Variants in MPDZ observed in about 807,000 individuals in gnomAD.
MPDZ encodes multiple PDZ domain protein.
In MPDZ, 234 loss-of-function variants were observed where a neutral mutation model predicts 239.1. That is an observed-to-expected ratio of 0.98 (90% CI 0.88 to 1.09). The LOEUF is 1.09. MPDZ is among the 50% of genes least tolerant of loss of function. MPDZ has a pLI of 0.00. For synonymous variants in MPDZ, 1,048 were observed against 881.3 expected (o/e 1.19, Z -3.35); for missense variants, 3,175 against 2,510.0 (o/e 1.26, Z -5.66).
intron 22 of MPDZ, among the ~76,000 whole-genome samples, chr9:13,164,398 A>C (rs2133739042): frequency 6.6e-6 from 1 of 152,312 alleles, no homozygotes; most frequent in South Asian, 2.1e-4. Context: ...TGAAAAAATA[A>C]AATAAAGATA....
chr9:13,194,542 G>C (rs546715745), intron 13 of MPDZ, among the ~76,000 whole-genome samples: 1 of 151,980 alleles, frequency 6.6e-6, no homozygotes, highest in Non-Finnish European at 1.5e-5. Context: ...ACTAGGGCCT[G>C]TAGGGTGGTG....
At chr9:13,251,943 C>T (rs997606502) in intron 1 of MPDZ, among the ~76,000 whole-genome samples, 3 of 152,128 alleles carry the variant, frequency 2.0e-5, no homozygotes, top group African/African-American at 7.2e-5. Flanking sequence ...GAGCAAGGGA[C>T]CTATCATCTC....
intron 12 of MPDZ, among the ~76,000 whole-genome samples, chr9:13,196,564 G>C (rs1955674929): frequency 6.6e-6 from 1 of 152,040 alleles, no homozygotes; most frequent in Admixed American, 6.6e-5. Flanking sequence ...ACAGTAAAAA[G>C]GGATGTCGTC....
At chr9:13,162,854 G>A (rs1254392352) in intron 22 of MPDZ, 59 bp from the exon 23 acceptor site, 1 of 1,164,334 alleles carries the variant, frequency 8.6e-7, no homozygotes, top group East Asian at 2.4e-5. Flanking sequence ...TAATTGTTAG[G>A]AAAAGCTTCT....
At position 13,184,697 on chromosome 9, in the gene MPDZ, T is replaced by C. The variant is rs55676259; in HGVS notation, c.2482-1112A>G. Reference sequence around the variant, plus strand: ...CTAAGCCTTGTGTCATAGATTACAATACATATTTAAGTAACATTAATGAAA... The same window carrying C: ...CTAAGCCTTGTGTCATAGATTACAACACATATTTAAGTAACATTAATGAAA... On this transcript the variant is annotated intron_variant, in intron 18 of 46. Transcript: ENST00000319217. Among the ~76,000 whole-genome samples, 1,337 of 152,090 alleles carry C rather than the reference T, an allele frequency of 8.8e-3. 9 individuals are homozygous for C. Among genetic ancestry groups the C allele is most frequent in the Middle Eastern group, 0.014 (4 of 294 alleles).
intron 22 of MPDZ, among the ~76,000 whole-genome samples, chr9:13,166,788 A>G (rs1951137925): frequency 6.6e-6 from 1 of 152,126 alleles, no homozygotes; most frequent in Non-Finnish European, 1.5e-5. Context: ...GGAAACGGAA[A>G]TACACAACAA....
chr9:13,147,508 CTGTT>C, intron 26 of MPDZ, 36 bp downstream of exon 26: 1 of 1,467,382 alleles, frequency 6.8e-7, no homozygotes, highest in Non-Finnish European at 9.5e-7. Flanking sequence ...AAGTTGAACA[CTGTT>C]TGGATATGCC....
intron 14 of MPDZ, among the ~76,000 whole-genome samples, chr9:13,192,671 A>G (rs1955098092): frequency 6.6e-6 from 1 of 152,140 alleles, no homozygotes; most frequent in Non-Finnish European, 1.5e-5. Context: ...AATGACATAT[A>G]TTGTATGCTA....
At chr9:13,122,054 T>C (rs527604448) in intron 37 of MPDZ, 33 bp downstream of exon 37, 7 of 1,611,316 alleles carry the variant, frequency 4.3e-6, no homozygotes, top group Non-Finnish European at 5.9e-6. Context: ...TTTTCTCTGT[T>C]AATTTTGAAG....
chr9:13,232,883 C>A (rs1251697680), intron 3 of MPDZ, among the ~76,000 whole-genome samples: 61 of 139,086 alleles, frequency 4.4e-4, no homozygotes, highest in African/African-American at 1.2e-3. Context: ...AAAAAAAAAA[C>A]CAGGAACTTC....
At chr9:13,228,508 A>C (rs1426137351) in intron 3 of MPDZ, among the ~76,000 whole-genome samples, 1 of 152,100 alleles carries the variant, frequency 6.6e-6, no homozygotes, top group East Asian at 1.9e-4. Flanking sequence ...ACAAAGAAAA[A>C]ATATGTACCT....
chr9:13,195,284 T>C (rs1281933423), intron 13 of MPDZ, among the ~76,000 whole-genome samples: 1 of 152,032 alleles, frequency 6.6e-6, no homozygotes, highest in African/African-American at 2.4e-5. Context: ...CGAGACCTTG[T>C]CTCAAAAAAA....
chr9:13,170,025 A>C (rs1277593055), intron 21 of MPDZ, among the ~76,000 whole-genome samples: 2 of 152,192 alleles, frequency 1.3e-5, no homozygotes, highest in African/African-American at 4.8e-5. Context: ...ATAAAATCTT[A>C]TAAATTATAT....
chr9:13,200,865 T>C lies in MPDZ; in HGVS notation c.1546+4171A>G, dbSNP rs146480103. ...AGCCTGGAGTATGTTCCATATGTTG[T>C]TGAAAAAAATGTGTATTCTGCAGCT... On this transcript the variant is annotated intron_variant, in intron 12 of 46. Coordinates refer to ENST00000319217, the MANE Select transcript of MPDZ (RefSeq NM_001378778.1). 2.5e-3 allele frequency among the ~76,000 whole-genome samples: 374 copies of C among 152,150 alleles called. 2 individuals carry two copies. Among genetic ancestry groups the C allele is most frequent in the Non-Finnish European group, 4.6e-3 (316 of 67,958 alleles).
rs1455478289 is a variant in MPDZ, at chr9:13,183,544, A to G, written c.2523T>C (p.Phe841=). The part of the protein sequence containing the change: ...NDADLVDEST[F]ESPYSPENDS... ...CATTTTCAGGAGAGTATGGAGACTC[A>G]AATGTGGATTCATCTACTAAGTCAG... The change falls in exon 19 of 47, where the codon TTT becomes TTC. Residue 841 remains phenylalanine (F), a synonymous_variant. Coordinates refer to ENST00000319217, the MANE Select transcript of MPDZ (RefSeq NM_001378778.1). The G allele has an allele frequency of 1.9e-6, 3 of 1,612,510 alleles. No individual in the cohort carries two copies. The highest frequency in any genetic ancestry group is 1.1e-5 in the South Asian group (1 of 91,038).
intron 44 of MPDZ, 27 bp from the exon 45 acceptor site, chr9:13,110,091 A>G (rs752076335): frequency 6.5e-7 from 1 of 1,546,164 alleles, no homozygotes; most frequent in South Asian, 1.2e-5. Flanking sequence ...GATAAACAGA[A>G]AAAACACATG....
chr9:13,225,079 C>T lies in MPDZ; in HGVS notation c.184-496G>A, dbSNP rs117804245. 4.2e-3 allele frequency among the ~76,000 whole-genome samples: 644 copies of T among 151,956 alleles called. 1 individual carries two copies. The highest frequency in any genetic ancestry group is 7.8e-3 in the Non-Finnish European group (527 of 67,934). On this transcript the variant is annotated intron_variant, in intron 3 of 46. Transcript: ENST00000319217. ...CAATCACACCTATGAAATAACACGC[C>T]AATAAAAAATGCTGAACACCAAGAT...
At chr9:13,136,320 GTTTTCTT>G (rs1946747015) in intron 30 of MPDZ, 138 bp from the exon 31 acceptor site, 13 of 194,644 alleles carry the variant, frequency 6.7e-5, no homozygotes, top group Non-Finnish European at 6.6e-5. Flanking sequence ...ATTTACAAAC[GTTTTCTT>G]TTTTTTTTTT....
intron 22 of MPDZ, among the ~76,000 whole-genome samples, chr9:13,167,131 AATAC>A (rs1171876854): frequency 6.6e-6 from 1 of 152,130 alleles, no homozygotes; most frequent in Non-Finnish European, 1.5e-5. Context: ...CCCTGCGATA[AATAC>A]ATAGTCTCCA....
Sources: gnomAD v4.1 joint callset for allele counts (sites outside exome capture counted in the v4.1 genomes callset) on GRCh38, gnomAD v4.1.1 for gene constraint, MANE v1.5 for transcripts, NCBI Gene and HGNC (gene_info 2026-07-23, HGNC 2026-07-21) for gene names.